The following TMEM116 variants were observed in gnomAD, a reference collection of about 807,000 sequenced individuals.
TMEM116 encodes the protein transmembrane protein 116.
TMEM116 carries 38 observed loss-of-function variants against 44.3 expected under a neutral mutation model. That is an observed-to-expected ratio of 0.86 (90% CI 0.66 to 1.12). The LOEUF is 1.12. TMEM116 is among the 50% of genes most tolerant of loss of function. The pLI, the probability that TMEM116 is intolerant of heterozygous loss-of-function variation, is 0.00. For missense variants in TMEM116, 354 were observed against 401.7 expected (o/e 0.88, Z 1.01); for synonymous variants, 132 against 144.8 (o/e 0.91, Z 0.64).
At chr12:111,999,369 G>A (rs957372083) in intron 3 of TMEM116, among the ~76,000 whole-genome samples, 17 of 152,032 alleles carry the variant, frequency 1.1e-4, no homozygotes, top group South Asian at 2.1e-4. Context: ...AGGCCAAGGC[G>A]GGTGGATCAC....
chr12:111,983,681 A>T (rs2076073150), intron 4 of TMEM116, among the ~76,000 whole-genome samples: 1 of 152,174 alleles, frequency 6.6e-6, no homozygotes, highest in African/African-American at 2.4e-5. Context: ...TTTAATCAGT[A>T]ATCAAAAAAT....
intron 4 of TMEM116, among the ~76,000 whole-genome samples, chr12:111,957,644 C>T (rs564030066): frequency 3.4e-4 from 52 of 150,988 alleles, no homozygotes; most frequent in Admixed American, 7.9e-4. Context: ...CCGGCTGCCC[C>T]GTCTGGGAAG....
chr12:111,974,121 T>C (rs761342252), intron 4 of TMEM116, among the ~76,000 whole-genome samples: 1 of 150,768 alleles, frequency 6.6e-6, no homozygotes, highest in Non-Finnish European at 1.5e-5. Context: ...AAATATAACA[T>C]CCATTCTCAA....
At chr12:111,940,526 T>C in intron 5 of TMEM116, among the ~76,000 whole-genome samples, 1 of 85,964 alleles carries the variant, frequency 1.2e-5, no homozygotes, top group Middle Eastern at 5.7e-3. Context: ...TATATGTGTA[T>C]ATATATATAT....
At chr12:111,991,665 C>G (rs12423126) in intron 4 of TMEM116, 93 bp downstream of exon 4, 217,745 of 1,232,378 alleles carry the variant, frequency 0.18, 20,040 homozygotes, top group Middle Eastern at 0.27. Context: ...TAAACAAATA[C>G]GTCTCCACTT....
chr12:111,996,669 C>T (rs2076944425), intron 3 of TMEM116, among the ~76,000 whole-genome samples: 1 of 152,076 alleles, frequency 6.6e-6, no homozygotes, highest in South Asian at 2.1e-4. Flanking sequence ...ACTAGATAAG[C>T]TTATGCATTT....
chr12:111,983,433 C>T (rs2076058029), intron 4 of TMEM116, among the ~76,000 whole-genome samples: 1 of 150,722 alleles, frequency 6.6e-6, no homozygotes, highest in Non-Finnish European at 1.5e-5. Flanking sequence ...CAGAGCAAGA[C>T]TCTATCTAAA....
Position 111,972,076 on chromosome 12 carries a change from G to GAA in TMEM116, c.210+19680_210+19681dup, listed in dbSNP as rs762088997. Among the ~76,000 whole-genome samples the GAA allele has an allele frequency of 9.3e-3, 536 of 57,380 alleles. 13 individuals carry two copies. The highest frequency in any genetic ancestry group is 0.037 in the Middle Eastern group (3 of 82). 37.6% of individuals were successfully genotyped at this position (57,380 alleles called of 152,430 possible). On this transcript the variant is annotated intron_variant, in intron 4 of 10. Transcript: ENST00000552374. ...GGTGACAGAATGACACCCTATCTGT[G>GAA]AAAAAAAAAAAAAAAAAAAACCCAC...
chr12:111,946,164 A>C (rs1208202644), intron 4 of TMEM116, among the ~76,000 whole-genome samples: 1 of 152,206 alleles, frequency 6.6e-6, no homozygotes, highest in Admixed American at 6.5e-5. Context: ...GTAACCAGAC[A>C]ATTTCACATG....
In TMEM116 at chr12:111,931,774, C is replaced by T. The variant is rs370592954; in HGVS notation, c.861G>A (p.Thr287=). 1.7e-5 allele frequency: 27 copies of T among 1,597,690 alleles called. No homozygotes were observed. Among genetic ancestry groups the T allele is most frequent in the Non-Finnish European group, 2.1e-5 (25 of 1,172,426 alleles). The change falls in exon 11 of 11, where the codon ACG becomes ACA. Residue 287 remains threonine, a synonymous_variant. Coordinates refer to ENST00000552374, the MANE Select transcript of TMEM116 (RefSeq NM_001193531.2). The part of the protein sequence containing the change: ...GLLNCGVYGW[T]QHKFHQLKQE... Reference sequence around the variant, plus strand: ...GCTTTAGTTGGTGGAATTTGTGCTGCGTCCAGCCATATACTCCACAGTTGA... The same window carrying T: ...GCTTTAGTTGGTGGAATTTGTGCTGTGTCCAGCCATATACTCCACAGTTGA...
Position 111,997,580 on chromosome 12 carries a change from C to CA in TMEM116, c.79-5692dup, listed in dbSNP as rs201150176. 4.8e-3 allele frequency among the ~76,000 whole-genome samples: 720 copies of CA among 151,396 alleles called. 7 individuals carry two copies. Among genetic ancestry groups the CA allele is most frequent in the African/African-American group, 0.016 (651 of 41,260 alleles). ...CTAAAAAAAAACAAAAACAAACAAA[C>CA]AAAAAAAACAAACAGAACAGATATT... On this transcript the variant is annotated intron_variant, in intron 3 of 10. Coordinates refer to ENST00000552374, the MANE Select transcript of TMEM116 (RefSeq NM_001193531.2).
At chr12:112,005,056 T>C (rs2077504765) in intron 2 of TMEM116, among the ~76,000 whole-genome samples, 1 of 152,268 alleles carries the variant, frequency 6.6e-6, no homozygotes, top group South Asian at 2.1e-4. Context: ...GATGTTCAGA[T>C]GTTATCCTTT....
chr12:111,946,367 G>A (rs2073276421), intron 4 of TMEM116, among the ~76,000 whole-genome samples: 1 of 152,182 alleles, frequency 6.6e-6, no homozygotes, highest in South Asian at 2.1e-4. Flanking sequence ...TTGACAGCAA[G>A]TCAGTAATAA....
At chr12:111,980,502 A>G (rs2075880907) in intron 4 of TMEM116, among the ~76,000 whole-genome samples, 1 of 152,222 alleles carries the variant, frequency 6.6e-6, no homozygotes, top group Non-Finnish European at 1.5e-5. Flanking sequence ...ACATGACAGT[A>G]TGAATTTATC....
intron 4 of TMEM116, among the ~76,000 whole-genome samples, chr12:111,978,129 C>T (rs545931476): frequency 1.3e-5 from 2 of 149,548 alleles, no homozygotes; most frequent in East Asian, 1.9e-4. Flanking sequence ...CCAGCTAGCG[C>T]GGTGGCTCAC....
At chr12:111,958,677 C>G (rs1050251131) in intron 4 of TMEM116, among the ~76,000 whole-genome samples, 1 of 152,030 alleles carries the variant, frequency 6.6e-6, no homozygotes, top group Non-Finnish European at 1.5e-5. Flanking sequence ...CTGAAAAACA[C>G]AGCACAAGAA....
At chr12:111,983,935 GCAAACAA>G (rs1185353293) in intron 4 of TMEM116, among the ~76,000 whole-genome samples, 18 of 152,050 alleles carry the variant, frequency 1.2e-4, no homozygotes, top group African/African-American at 4.1e-4. Flanking sequence ...CAAAATAGTA[GCAAACAA>G]AATTCAACCG....
Position 111,931,573 on chromosome 12 carries a change from CA to C in TMEM116, c.*47del, listed in dbSNP as rs1331680179. ...TCCTTTCCCAACATTCTTTCCAATC[CA>C]TTAGCGTAGAATAACTCCAGTTCCT... On this transcript the variant is annotated 3_prime_UTR_variant, in exon 11 of 11. Coordinates refer to ENST00000552374, the MANE Select transcript of TMEM116 (RefSeq NM_001193531.2). The C allele has an allele frequency of 2.6e-6, 4 of 1,550,150 alleles. No homozygotes were observed. The African/African-American group carries it at 5.4e-5, about 21-fold the overall frequency.
At chr12:111,978,809 TGTTTAAGTC>T (rs1248511860) in intron 4 of TMEM116, 1 of 433,836 alleles carries the variant, frequency 2.3e-6, no homozygotes, top group South Asian at 1.6e-5. Flanking sequence ...AAATGCCTGT[TGTTTAAGTC>T]ACACATTGTA....
Sources: gnomAD v4.1 joint callset for allele counts (sites outside exome capture counted in the v4.1 genomes callset) on GRCh38, gnomAD v4.1.1 for gene constraint, MANE v1.5 for transcripts, NCBI Gene and HGNC (gene_info 2026-07-23, HGNC 2026-07-21) for gene names.